Variants in PARN observed in about 807,000 individuals in gnomAD.
The protein encoded by PARN is poly(A)-specific ribonuclease.
In PARN, 71 loss-of-function variants were observed where a neutral mutation model predicts 102.8. The observed-to-expected ratio is 0.69, with a 90% CI of 0.57 to 0.84. PARN has a LOEUF of 0.84. Among genes scored for constraint, PARN ranks in the 40% least tolerant of loss-of-function variants. The pLI is 0.00. For synonymous variants in PARN, 261 were observed against 252.9 expected, an observed-to-expected ratio of 1.03 and a Z score of -0.30; for missense variants, 782 against 760.9, an observed-to-expected ratio of 1.03 and a Z score of -0.33.
intron 18 of PARN, among the ~76,000 whole-genome samples, chr16:14,564,050 C>T (rs1279118215): frequency 6.6e-6 from 1 of 151,940 alleles, no homozygotes; most frequent in Non-Finnish European, 1.5e-5. Flanking sequence ...CCATGGAGGC[C>T]GACCCTAAGC....
intron 4 of PARN, 31 bp from the exon 5 acceptor site, chr16:14,627,218 T>C: frequency 6.4e-7 from 1 of 1,567,032 alleles, no homozygotes; most frequent in Non-Finnish European, 8.8e-7. Context: ...ACTTAGGAGG[T>C]GACATTGTGC....
At chr16:14,615,874 C>A (rs1971864413) in intron 6 of PARN, among the ~76,000 whole-genome samples, 1 of 150,268 alleles carries the variant, frequency 6.7e-6, no homozygotes, top group Non-Finnish European at 1.5e-5. Context: ...GCACTCCAGC[C>A]TGGGCGACAC....
At chr16:14,465,245 G>A (rs182365726) in intron 22 of PARN, among the ~76,000 whole-genome samples, 15 of 152,062 alleles carry the variant, frequency 9.9e-5, no homozygotes, top group East Asian at 1.9e-4. Flanking sequence ...CACCAAGCTC[G>A]GCTAATTTTT....
intron 22 of PARN, among the ~76,000 whole-genome samples, chr16:14,460,943 C>G (rs776657527): frequency 2.6e-5 from 4 of 152,222 alleles, no homozygotes; most frequent in Non-Finnish European, 5.9e-5. Flanking sequence ...GTGGAGAGAT[C>G]TGGCAAACAC....
At chr16:14,565,206 GCTCA>G (rs954822285) in intron 18 of PARN, 1 of 152,136 alleles carries the variant, frequency 6.6e-6, no homozygotes, top group African/African-American at 2.4e-5. Flanking sequence ...CATTTATTTT[GCTCA>G]CTAAGGCTCC....
At chr16:14,517,194 G>A (rs964226644) in intron 21 of PARN, among the ~76,000 whole-genome samples, 5 of 152,164 alleles carry the variant, frequency 3.3e-5, no homozygotes, top group Non-Finnish European at 7.4e-5. Context: ...CAAGAGGTGC[G>A]GTGTATTTAC....
At chr16:14,484,956 C>CA (rs2151600613) in intron 21 of PARN, among the ~76,000 whole-genome samples, 1 of 152,046 alleles carries the variant, frequency 6.6e-6, no homozygotes, top group Non-Finnish European at 1.5e-5. Flanking sequence ...CAGTGGCTCA[C>CA]ACTTGTAATC....
intron 23 of PARN, among the ~76,000 whole-genome samples, chr16:14,442,142 C>T (rs1235083174): frequency 6.6e-6 from 1 of 152,174 alleles, no homozygotes; most frequent in Non-Finnish European, 1.5e-5. Context: ...CTGCTAGGGA[C>T]CAGCCAGCAG....
rs140060464 is a variant in PARN at position 14,616,062 on chromosome 16, A to C, written c.388+1528T>G. Reference sequence around the variant, plus strand: ...AACCTCCTTCCCTCTTTCATTCATTAATTCTACATTCACCATGGGGGAAAA... The same window carrying C: ...AACCTCCTTCCCTCTTTCATTCATTCATTCTACATTCACCATGGGGGAAAA... On this transcript the variant is annotated intron_variant, in intron 6 of 23. Transcript: ENST00000437198. Among the ~76,000 whole-genome samples the C allele has an allele frequency of 4.6e-5, 7 of 152,254 alleles. No individual in the cohort carries two copies. The East Asian group carries it at 1.4e-3, about 29-fold the overall frequency.
At chr16:14,555,967 T>C (rs1480833333) in intron 18 of PARN, among the ~76,000 whole-genome samples, 1 of 151,404 alleles carries the variant, frequency 6.6e-6, no homozygotes, top group South Asian at 2.1e-4. Flanking sequence ...CCCAGTTAAG[T>C]GGTTCTTCTG....
At chr16:14,537,953 C>CA (rs1424159436) in intron 21 of PARN, among the ~76,000 whole-genome samples, 1 of 152,048 alleles carries the variant, frequency 6.6e-6, no homozygotes, top group Non-Finnish European at 1.5e-5. Context: ...TGAATGTTCA[C>CA]AACACAAAAC....
At chr16:14,580,965 GTATTA>G (rs762251196) in intron 17 of PARN, 22 bp from the exon 18 acceptor site, 1 of 1,501,932 alleles carries the variant, frequency 6.7e-7, no homozygotes, top group South Asian at 1.1e-5. Flanking sequence ...AAGAAGAGAG[GTATTA>G]TTATTCATAG....
chr16:14,587,352 T>C (rs933451835), intron 13 of PARN, among the ~76,000 whole-genome samples: 10 of 152,196 alleles, frequency 6.6e-5, no homozygotes, highest in East Asian at 1.9e-4. Flanking sequence ...GGCCAACATA[T>C]AGCACAGTTC....
intron 9 of PARN, 79 bp downstream of exon 9, chr16:14,608,202 A>G: frequency 9.6e-7 from 1 of 1,040,056 alleles, no homozygotes; most frequent in Non-Finnish European, 1.4e-6. Flanking sequence ...TCAAAAAGGA[A>G]ATGAGAACTA....
chr16:14,625,352 C>G (rs1380167140), intron 5 of PARN, among the ~76,000 whole-genome samples: 2 of 151,814 alleles, frequency 1.3e-5, no homozygotes, highest in Non-Finnish European at 1.5e-5. Context: ...ACAAAATTAG[C>G]TGAGCATCTT....
chr16:14,522,149 C>T lies in PARN; in HGVS notation c.1480+29872G>A, dbSNP rs150045199. ...TGACTGTATTACTAAGGAGCTAAGT[C>T]AAAGGTAAAAATAGTCCAGCAGGTA... On this transcript the variant is annotated intron_variant, in intron 21 of 23. Coordinates refer to ENST00000437198, the MANE Select transcript of PARN (RefSeq NM_002582.4). Among the ~76,000 whole-genome samples, 262 of 152,244 alleles carry T rather than the reference C, an allele frequency of 1.7e-3. 2 individuals carry two copies. The highest frequency in any genetic ancestry group is 6.2e-3 in the African/African-American group (258 of 41,532).
At chr16:14,557,557 C>CAAAA (rs751028710) in intron 18 of PARN, among the ~76,000 whole-genome samples, 1 of 36,512 alleles carries the variant, frequency 2.7e-5, no homozygotes, top group Admixed American at 2.6e-4. Context: ...AACTCTGCCT[C>CAAAA]AAAAAAAAAA....
intron 18 of PARN, among the ~76,000 whole-genome samples, chr16:14,571,334 G>T (rs974577337): frequency 1.1e-4 from 17 of 149,358 alleles, no homozygotes; most frequent in Non-Finnish European, 2.4e-4. Context: ...TCCAGCCTGG[G>T]CTAACAGAGC....
At chr16:14,547,836 A>G (rs1208406094) in intron 21 of PARN, among the ~76,000 whole-genome samples, 2 of 152,246 alleles carry the variant, frequency 1.3e-5, no homozygotes, top group East Asian at 3.8e-4. Flanking sequence ...ACAGAGCCAA[A>G]GAAGCCATTA....
Sources: allele counts gnomAD v4.1 joint callset (sites outside exome capture counted in the v4.1 genomes callset), GRCh38; gene constraint gnomAD v4.1.1; transcripts MANE v1.5; gene names NCBI Gene and HGNC (gene_info 2026-07-23, HGNC 2026-07-21).